The following POT1 variants were observed in gnomAD, a reference collection of about 807,000 sequenced individuals.
POT1 encodes the protein protection of telomeres 1.
A neutral mutation model predicts 78.5 loss-of-function variants in POT1; 47 were observed. That is an observed-to-expected ratio of 0.60 (90% confidence interval 0.47 to 0.76). The LOEUF (loss-of-function observed/expected upper bound fraction) is 0.76, where lower values mean the gene tolerates loss of function less well. Among genes scored for constraint, POT1 ranks in the 30% least tolerant of loss-of-function variants. The pLI, the probability that POT1 is intolerant of heterozygous loss-of-function variation, is 0.00. For synonymous variants in POT1, 259 were observed against 260.7 expected (o/e 0.99, Z 0.06); for missense variants, 646 against 749.9 (o/e 0.86, Z 1.62).
At chr7:124,864,157 T>G (rs751658499) in intron 7 of POT1, among the ~76,000 whole-genome samples, 1 of 152,158 alleles carries the variant, frequency 6.6e-6, no homozygotes, top group Admixed American at 6.6e-5. Context: ...CAGAGGCACA[T>G]ACATTTATAT....
At chr7:124,921,276 A>G (rs560450934) in intron 2 of POT1, among the ~76,000 whole-genome samples, 2 of 152,278 alleles carry the variant, frequency 1.3e-5, no homozygotes, top group South Asian at 2.1e-4. Context: ...AGTATTAATG[A>G]TATGTCAAAA....
intron 6 of POT1, among the ~76,000 whole-genome samples, chr7:124,887,622 T>C (rs933168599): frequency 6.6e-6 from 1 of 152,120 alleles, no homozygotes; most frequent in Non-Finnish European, 1.5e-5. Context: ...ATGCAGGAGA[T>C]AAAGTCTACA....
chr7:124,892,575 T>C (rs1383845744), intron 5 of POT1, 195 bp from the exon 6 acceptor site: 8 of 360,878 alleles, frequency 2.2e-5, no homozygotes, highest in Non-Finnish European at 4.0e-5. Flanking sequence ...TGTTTATAAA[T>C]GGTACAATTT....
intron 12 of POT1, chr7:124,843,184 G>A (rs1054721423): frequency 6.1e-6 from 2 of 325,360 alleles, no homozygotes; most frequent in South Asian, 1.5e-4. Flanking sequence ...CTAAATAAAC[G>A]CTGGATAATT....
chr7:124,857,610 C>G (rs2116520205), intron 9 of POT1, among the ~76,000 whole-genome samples: 1 of 152,292 alleles, frequency 6.6e-6, no homozygotes, highest in African/African-American at 2.4e-5. Context: ...AGAGGGACAG[C>G]TTGATGGTGT....
At chr7:124,829,091 T>G (rs1321527191) in intron 16 of POT1, 163 bp downstream of exon 16, 1 of 762,608 alleles carries the variant, frequency 1.3e-6, no homozygotes, top group African/African-American at 1.7e-5. Context: ...AAAGGAAGGC[T>G]TGGCAGATAT....
chr7:124,823,010 T>C lies in POT1; in HGVS notation c.*952A>G, dbSNP rs753558263. 6.4e-6 allele frequency: 1 copy of C among 155,544 alleles called. No individual in the cohort carries two copies. The highest frequency in any genetic ancestry group is 1.4e-5 in the Non-Finnish European group (1 of 69,810). The allele number at this position is 155,544 out of a possible 1,614,324, so 9.6% of individuals were successfully genotyped here. A position where few individuals can be genotyped will look rare whatever the true frequency, so the allele number is the denominator to read the frequency against. On this transcript the variant is annotated 3_prime_UTR_variant, in exon 19 of 19. Coordinates refer to ENST00000357628, the MANE Select transcript of POT1 (RefSeq NM_015450.3). ...CAGTACAGGCTCTGAATAGAGATTA[T>C]GTGAATTAAGGCACAGACTCTAGCT...
intron 5 of POT1, among the ~76,000 whole-genome samples, chr7:124,894,038 A>G (rs1047362545): frequency 1.3e-5 from 2 of 151,614 alleles, no homozygotes; most frequent in Non-Finnish European, 3.0e-5. Context: ...GTGGTTTACA[A>G]GGACATGTTT....
intron 18 of POT1, among the ~76,000 whole-genome samples, chr7:124,824,314 G>A (rs181655936): frequency 6.6e-6 from 1 of 151,652 alleles, no homozygotes; most frequent in Non-Finnish European, 1.5e-5. Flanking sequence ...AGGTAACAGT[G>A]AGTACATCTT....
At chr7:124,886,091 T>C (rs923463395) in intron 6 of POT1, among the ~76,000 whole-genome samples, 2 of 152,176 alleles carry the variant, frequency 1.3e-5, no homozygotes, top group African/African-American at 4.8e-5. Context: ...TAATCTTTAT[T>C]CAGGATAAGA....
intron 12 of POT1, 47 bp downstream of exon 12, chr7:124,846,892 TTTA>T (rs1268030271): frequency 5.3e-6 from 7 of 1,330,898 alleles, no homozygotes; most frequent in Admixed American, 1.8e-5. Flanking sequence ...AGAGGCAGAC[TTTA>T]TTATGCTCAT....
intron 7 of POT1, 45 bp from the exon 8 acceptor site, chr7:124,863,685 C>T: frequency 7.1e-7 from 1 of 1,413,718 alleles, no homozygotes; most frequent in African/African-American, 1.4e-5. Flanking sequence ...AATAAAATAG[C>T]TTACTGATGC....
intron 8 of POT1, among the ~76,000 whole-genome samples, chr7:124,861,524 C>G (rs1398634402): frequency 1.6e-5 from 2 of 128,550 alleles, no homozygotes; most frequent in African/African-American, 6.0e-5. Flanking sequence ...GGACAGATTG[C>G]AAAAATTTTC....
At chr7:124,851,641 A>G (rs536111457) in intron 11 of POT1, among the ~76,000 whole-genome samples, 2 of 152,356 alleles carry the variant, frequency 1.3e-5, no homozygotes, top group Non-Finnish European at 2.9e-5. Context: ...TGATATGTAT[A>G]TATCATAATC....
At chr7:124,849,227 G>T (rs987032656) in intron 11 of POT1, among the ~76,000 whole-genome samples, 1 of 152,080 alleles carries the variant, frequency 6.6e-6, no homozygotes, top group Non-Finnish European at 1.5e-5. Context: ...TACAACATGA[G>T]ATGGAAATAA....
At chr7:124,868,501 AAAAT>A (rs1347357188) in intron 7 of POT1, among the ~76,000 whole-genome samples, 2 of 152,076 alleles carry the variant, frequency 1.3e-5, no homozygotes, top group Non-Finnish European at 2.9e-5. Flanking sequence ...AATAGCTGAT[AAAAT>A]AGATAAGAAA....
At chr7:124,827,349 C>A in intron 16 of POT1, 44 bp from the exon 17 acceptor site, 1 of 1,133,622 alleles carries the variant, frequency 8.8e-7, no homozygotes, top group Non-Finnish European at 1.3e-6. Context: ...TCTGCTATTC[C>A]TTATTATCAA....
In POT1 at chr7:124,823,989, G is replaced by A. The variant is rs1486254989; in HGVS notation, c.1878C>T (p.Asp626=). The change falls in exon 19 of 19, where the codon GAC becomes GAT. Residue 626 remains aspartate (D), a synonymous_variant. Coordinates refer to ENST00000357628, the MANE Select transcript of POT1 (RefSeq NM_015450.3). ...TDNQICYQIF[D]TTVAEDVI ...AGATTACATCTTCTGCAACTGTGGT[G>A]TCAAAAATCTGATAGCAAATTTGAT... 1 of 1,597,078 alleles carries A rather than the reference G, an allele frequency of 6.3e-7. No homozygotes were observed. The highest frequency in any genetic ancestry group is 1.1e-5 in the South Asian group (1 of 90,264).
rs1584769909 is a variant in POT1, at chr7:124,859,071, G to A, written c.588C>T (p.Val196=). 3.1e-6 allele frequency: 5 copies of A among 1,607,074 alleles called. No individual in the cohort carries two copies. Among genetic ancestry groups the A allele is most frequent in the African/African-American group, 1.3e-5 (1 of 74,770 alleles). ...GTRTPFPSWR[V]LIQDLVLEGD... is the part of the protein sequence containing the mutation. ...CTTCAAGAACAAGGTCTTGTATTAAGACTCTCCAAGATGGAAATGGTGTCC... is the reference window on the plus strand; with the variant it reads ...CTTCAAGAACAAGGTCTTGTATTAAAACTCTCCAAGATGGAAATGGTGTCC... The change falls in exon 9 of 19, where the codon GTC becomes GTT. Residue 196 remains valine, a synonymous_variant. Coordinates refer to ENST00000357628, the MANE Select transcript of POT1 (RefSeq NM_015450.3).
Sources: gnomAD v4.1 joint callset for allele counts (sites outside exome capture counted in the v4.1 genomes callset) on GRCh38, gnomAD v4.1.1 for gene constraint, MANE v1.5 for transcripts, NCBI Gene and HGNC (gene_info 2026-07-23, HGNC 2026-07-21) for gene names.